Variants in CLEC5A observed in about 807,000 individuals in gnomAD.
CLEC5A encodes C-type lectin domain family 5 member A.
A neutral mutation model predicts 24.4 loss-of-function variants in CLEC5A; 15 were observed. The ratio of observed to expected loss-of-function variants is 0.62; its 90% CI spans 0.41 to 0.95. The LOEUF is 0.95. Among genes scored for constraint, CLEC5A ranks in the 40% least tolerant of loss-of-function variants. The pLI is 0.00. For missense variants in CLEC5A, 211 were observed against 224.0 expected, an observed-to-expected ratio of 0.94 and a Z score of 0.37; for synonymous variants, 71 against 72.6, an observed-to-expected ratio of 0.98 and a Z score of 0.11.
chr7:141,934,101 G>T (rs1802546707), intron 5 of CLEC5A, among the ~76,000 whole-genome samples: 1 of 152,158 alleles, frequency 6.6e-6, no homozygotes, highest in Admixed American at 6.5e-5. Context: ...GTGACATTTG[G>T]CATGGTCATG....
In CLEC5A at chr7:141,946,215, A is replaced by G. The variant is rs1554442123; in HGVS notation, c.78T>C (p.Tyr26=). The G allele has an allele frequency of 3.8e-6, 6 of 1,561,548 alleles. No homozygotes were observed. In the Admixed American group the frequency reaches 9.7e-5, roughly 25 times the overall value. ...GCAAGAGGTTGCTCAAATACTCACA[A>G]TAAAGTAGAAATAAGGTCATTCCAA... ...KVVGMTLFLL[Y]FPQIFNKSND... The change falls in exon 2 of 7, where the codon TAT becomes TAC. Residue 26 remains tyrosine (Y), a splice_region_variant and synonymous_variant. Coordinates refer to ENST00000546910, the MANE Select transcript of CLEC5A (RefSeq NM_013252.3).
At chr7:141,937,378 G>A (rs1207656675) in intron 4 of CLEC5A, among the ~76,000 whole-genome samples, 1 of 152,056 alleles carries the variant, frequency 6.6e-6, no homozygotes, top group Non-Finnish European at 1.5e-5. Flanking sequence ...AAAATCAGTG[G>A]TAGTCTGGCA....
chr7:141,945,717 A>T (rs568741945), intron 2 of CLEC5A: 192 of 406,662 alleles, frequency 4.7e-4, no homozygotes, highest in Non-Finnish European at 6.8e-4. Flanking sequence ...GCTAGAGAAG[A>T]TTCTAGTTTC....
In CLEC5A at chr7:141,933,060, T is replaced by A. The variant is rs551393248; in HGVS notation, c.346-1234A>T. 2.6e-5 allele frequency among the ~76,000 whole-genome samples: 4 copies of A among 152,290 alleles called. No individual in the cohort carries two copies. In the East Asian group the frequency reaches 5.8e-4, roughly 22 times the overall value. The stretch of plus-strand genomic sequence containing the variant: ...TCTGGGAAGGGGTACATAGATTTTA[T>A]CACCATTTTAAAAAAGTCAGTGGTC... On this transcript the variant is annotated intron_variant, in intron 5 of 6. Coordinates refer to ENST00000546910, the MANE Select transcript of CLEC5A (RefSeq NM_013252.3).
chr7:141,945,380 T>G lies in CLEC5A; in HGVS notation c.100A>C (p.Ser34Arg). 1 of 1,613,288 alleles carries G rather than the reference T, an allele frequency of 6.2e-7. No homozygotes were observed. Among genetic ancestry groups the G allele is most frequent in the South Asian group, 1.1e-5 (1 of 91,072 alleles). The change falls in exon 3 of 7, where the codon AGT (serine) becomes CGT (arginine). Residue 34 changes from serine to arginine, a missense_variant. Ser to Arg is a moderately radical substitution (Grantham distance 110, BLOSUM62 -1). Transcript: ENST00000546910. The stretch of plus-strand genomic sequence containing the variant: ...CTGGTGGTGGTGAAACCATCGTTAC[T>G]TTTGTTAAAAATCTGTGGGACTGAA... Reference protein sequence around the residue: ...LLYFPQIFNKSNDGFTTTRSY... With the variant: ...LLYFPQIFNKRNDGFTTTRSY...
chr7:141,939,931 T>C (rs1401883719), intron 4 of CLEC5A, among the ~76,000 whole-genome samples: 1 of 152,074 alleles, frequency 6.6e-6, no homozygotes, highest in Non-Finnish European at 1.5e-5. Context: ...CACCCAGATA[T>C]GTAAGGAAAA....
intron 4 of CLEC5A, among the ~76,000 whole-genome samples, chr7:141,939,930 A>G (rs1463705427): frequency 2.6e-5 from 4 of 152,144 alleles, no homozygotes; most frequent in Non-Finnish European, 5.9e-5. Flanking sequence ...ACACCCAGAT[A>G]TGTAAGGAAA....
intron 4 of CLEC5A, among the ~76,000 whole-genome samples, chr7:141,940,959 C>A (rs1405246694): frequency 2.0e-5 from 3 of 151,884 alleles, no homozygotes; most frequent in Non-Finnish European, 4.4e-5. Context: ...TAAAGAAAAG[C>A]CCAGGATCCA....
chr7:141,936,337 C>A (rs374369885), intron 4 of CLEC5A: 2 of 269,440 alleles, frequency 7.4e-6, no homozygotes. Flanking sequence ...TGACACCACC[C>A]CCACCCTATC....
In CLEC5A at chr7:141,933,352, G is replaced by A. The variant is rs145951254; in HGVS notation, c.346-1526C>T. Among the ~76,000 whole-genome samples, 12 of 152,014 alleles carry A rather than the reference G, an allele frequency of 7.9e-5. No homozygotes were observed. The East Asian group carries it at 2.3e-3, about 29-fold the overall frequency. ...TCCTGGAAGAGAGCATGGATTATAG[G>A]CAGGTGGGGAAGCAGCCTGGAGCTC... is the stretch of plus-strand genomic sequence containing the variant. On this transcript the variant is annotated intron_variant, in intron 5 of 6. Coordinates refer to ENST00000546910, the MANE Select transcript of CLEC5A (RefSeq NM_013252.3).
chr7:141,946,738 G>T (rs1409668013), intron 1 of CLEC5A, 69 bp downstream of exon 1: 1 of 156,754 alleles, frequency 6.4e-6, no homozygotes, highest in African/African-American at 2.4e-5. Flanking sequence ...TGACAGACAG[G>T]ACAGGCATCC....
chr7:141,940,674 C>G (rs1802765049), intron 4 of CLEC5A, among the ~76,000 whole-genome samples: 1 of 108,436 alleles, frequency 9.2e-6, no homozygotes, highest in Admixed American at 9.2e-5. Flanking sequence ...ATCAATAAAC[C>G]TTTAGCCAGA....
chr7:141,940,980 T>C (rs1554441597), intron 4 of CLEC5A, among the ~76,000 whole-genome samples: 1 of 152,058 alleles, frequency 6.6e-6, no homozygotes, highest in African/African-American at 2.4e-5. Context: ...ATGATTTCAC[T>C]GCTGAATTCT....
At chr7:141,937,783 G>GGACACAAGT (rs1554441271) in intron 4 of CLEC5A, among the ~76,000 whole-genome samples, 1 of 152,198 alleles carries the variant, frequency 6.6e-6, no homozygotes, top group East Asian at 1.9e-4. Context: ...GTGGTCACAG[G>GGACACAAGT]GATGCTTGTG....
At chr7:141,939,680 C>T (rs1802729465) in intron 4 of CLEC5A, among the ~76,000 whole-genome samples, 1 of 152,010 alleles carries the variant, frequency 6.6e-6, no homozygotes, top group Non-Finnish European at 1.5e-5. Context: ...TGATCTATTT[C>T]CCACAAGAAA....
chr7:141,933,597 T>C lies in CLEC5A; in HGVS notation c.346-1771A>G, dbSNP rs201031144. On this transcript the variant is annotated intron_variant, in intron 5 of 6. Coordinates refer to ENST00000546910, the MANE Select transcript of CLEC5A (RefSeq NM_013252.3). ...AGGCATATATATATATATATATATA[T>C]ATATATATATATATATATACTTGTT... 1.4e-4 allele frequency among the ~76,000 whole-genome samples: 12 copies of C among 83,306 alleles called. 1 individual carries two copies. Among genetic ancestry groups the C allele is most frequent in the Admixed American group, 8.9e-4 (6 of 6,742 alleles). 54.7% of individuals were successfully genotyped at this position (83,306 alleles called of 152,430 possible).
intron 1 of CLEC5A, 75 bp from the exon 2 acceptor site, chr7:141,946,387 T>C: frequency 7.5e-7 from 1 of 1,330,568 alleles, no homozygotes; most frequent in Admixed American, 2.1e-5. Context: ...TCCCAGCCTC[T>C]CGCTCAGAGT....
At chr7:141,944,468 G>T (rs150851303) in intron 3 of CLEC5A, among the ~76,000 whole-genome samples, 279 of 152,260 alleles carry the variant, frequency 1.8e-3, no homozygotes, top group African/African-American at 5.5e-3. Flanking sequence ...TCTAAGGATT[G>T]AAGCTAATTG....
chr7:141,944,633 G>A (rs868906509), intron 3 of CLEC5A, among the ~76,000 whole-genome samples: 8 of 152,282 alleles, frequency 5.3e-5, no homozygotes, highest in East Asian at 1.9e-4. Context: ...GCAGGCAGCC[G>A]CAGTGGCTTC....
Sources: gnomAD v4.1 joint callset for allele counts (sites outside exome capture counted in the v4.1 genomes callset) on GRCh38, gnomAD v4.1.1 for gene constraint, MANE v1.5 for transcripts, NCBI Gene and HGNC (gene_info 2026-07-23, HGNC 2026-07-21) for gene names.